The following VPS4A variants were observed in gnomAD, a reference collection of about 807,000 sequenced individuals.
The protein encoded by VPS4A is vacuolar protein sorting 4 homolog A, also known as vacuolar protein sorting-associated protein 4A.
A neutral mutation model predicts 52.3 loss-of-function variants in VPS4A; 20 were observed. That is an observed-to-expected ratio of 0.38 (90% CI 0.27 to 0.56). The LOEUF (loss-of-function observed/expected upper bound fraction) is 0.56. Ranked by LOEUF, VPS4A falls within the 20% of genes least tolerant of loss-of-function variation. The pLI is 0.72. For synonymous variants in VPS4A, 293 were observed against 227.7 expected (o/e 1.29, Z -2.58); for missense variants, 419 against 575.9 (o/e 0.73, Z 2.79).
chr16:69,311,366 C>T lies in VPS4A; in HGVS notation c.-146C>T, dbSNP rs962135758. ...TCCTCGCTTGCCCTCGGACTCGGCT[C>T]CCGCTGCGAGCGGCCGCCCTGCCCG... On this transcript the variant is annotated 5_prime_UTR_variant, in exon 1 of 11. Coordinates refer to ENST00000254950, the MANE Select transcript of VPS4A (RefSeq NM_013245.3). 6 of 904,006 alleles carry T rather than the reference C, an allele frequency of 6.6e-6. No individual in the cohort carries two copies. The highest frequency in any genetic ancestry group is 1.8e-5 in the African/African-American group (1 of 56,976). The allele number at this position is 904,006 out of a possible 1,614,324, so 56.0% of individuals were successfully genotyped here. A position where few individuals can be genotyped will look rare whatever the true frequency, so the allele number is the denominator to read the frequency against.
chr16:69,321,383 T>C lies in VPS4A; in HGVS notation c.1071+113T>C, dbSNP rs1597214370. The stretch of plus-strand genomic sequence containing the variant: ...CCGGCTGCTCAGGTGACACAGTCTC[T>C]GAGGCCTCCTGGAGAGCCGAGGGCC... On this transcript the variant is annotated intron_variant, in intron 9 of 10. Coordinates refer to ENST00000254950, the MANE Select transcript of VPS4A (RefSeq NM_013245.3). This position sits in a 1 kb window ranked among gnomAD's most constrained non-coding sequence, Gnocchi z 4.5. 1.7e-6 allele frequency: 2 copies of C among 1,202,938 alleles called. No homozygotes were observed. Among genetic ancestry groups the C allele is most frequent in the East Asian group, 2.6e-5 (1 of 39,134 alleles). 74.5% of individuals were successfully genotyped at this position (1,202,938 alleles called of 1,614,324 possible). A position where few individuals can be genotyped will look rare whatever the true frequency, so the allele number is the denominator to read the frequency against.
Position 69,320,167 on chromosome 16 carries a change from C to G in VPS4A, c.647C>G (p.Ala216Gly). The change falls in exon 7 of 11, where the codon GCC becomes GGC. Residue 216 changes from alanine (A) to glycine (G), a missense_variant. Around this residue, in one of 3 missense-constraint regions of VPS4A, gnomAD observed 103 missense variants for 210.3 expected, o/e 0.49. Transcript: ENST00000254950. The surrounding 1 kb of genome is among the most constrained non-coding windows in gnomAD (Gnocchi z 4.2). ...CTGGTCAAGAACCTGTTTGAGCTGG[C>G]CAGGCAGCACAAGCCCTCCATCATC... ...EKLVKNLFEL[A>G]RQHKPSIIFI... 6.2e-7 allele frequency: 1 copy of G among 1,613,792 alleles called. No homozygotes were observed. The highest frequency in any genetic ancestry group is 8.5e-7 in the Non-Finnish European group (1 of 1,179,774).
At chr16:69,316,470 G>T (rs1597211790) in intron 3 of VPS4A, 98 bp downstream of exon 3, 2 of 1,502,830 alleles carry the variant, frequency 1.3e-6, no homozygotes, top group Middle Eastern at 2.1e-4. Context: ...TGTGGGAATG[G>T]TCCTCATAGT....
In VPS4A at chr16:69,320,439, T is replaced by C; in HGVS notation, c.769+150T>C. ...CCTCAGGGCACGGGTGGACTTCAAT[T>C]CCCAAGAGGTGCCTGAGGCCTCTGC... On this transcript the variant is annotated intron_variant, in intron 7 of 10. Coordinates refer to ENST00000254950, the MANE Select transcript of VPS4A (RefSeq NM_013245.3). This position sits in a 1 kb window ranked among gnomAD's most constrained non-coding sequence, Gnocchi z 4.2. 1 of 1,173,654 alleles carries C rather than the reference T, an allele frequency of 8.5e-7. No homozygotes were observed. Among genetic ancestry groups the C allele is most frequent in the Non-Finnish European group, 1.2e-6 (1 of 846,848 alleles). The allele number at this position is 1,173,654 out of a possible 1,614,324, so 72.7% of individuals were successfully genotyped here. A position where few individuals can be genotyped will look rare whatever the true frequency, so the allele number is the denominator to read the frequency against.
At position 69,320,395 on chromosome 16, in the gene VPS4A, G is replaced by A. The variant is rs907611174; in HGVS notation, c.769+106G>A. The A allele has an allele frequency of 1.7e-5, 25 of 1,489,644 alleles. No homozygotes were observed. Among genetic ancestry groups the A allele is most frequent in the Non-Finnish European group, 2.2e-5 (24 of 1,100,052 alleles). 92.3% of individuals were successfully genotyped at this position (1,489,644 alleles called of 1,614,324 possible). Reference sequence around the variant, plus strand: ...TTTGGTTGTTCTCAGCCTCGGAGAGGCACTCCCCAGCTCCAGCCCCTCAGG... The same window carrying A: ...TTTGGTTGTTCTCAGCCTCGGAGAGACACTCCCCAGCTCCAGCCCCTCAGG... On this transcript the variant is annotated intron_variant, in intron 7 of 10. Coordinates refer to ENST00000254950, the MANE Select transcript of VPS4A (RefSeq NM_013245.3). The surrounding 1 kb of genome is among the most constrained non-coding windows in gnomAD (Gnocchi z 4.2).
intron 1 of VPS4A, among the ~76,000 whole-genome samples, chr16:69,314,897 G>A (rs944516556): frequency 4.6e-5 from 7 of 152,116 alleles, no homozygotes; most frequent in Non-Finnish European, 7.3e-5. Context: ...TCGTGCAGGC[G>A]TTGGTGAAGC....
intron 3 of VPS4A, among the ~76,000 whole-genome samples, chr16:69,317,953 C>CAAAAAA (rs35907075): frequency 6.5e-5 from 3 of 46,060 alleles, no homozygotes; most frequent in Non-Finnish European, 8.7e-5. Flanking sequence ...GGCACCATCT[C>CAAAAAA]AAAAAAAAAA....
chr16:69,323,943 C>CAAA (rs143292768), intron 10 of VPS4A, among the ~76,000 whole-genome samples: 11,069 of 107,912 alleles, frequency 0.1, 802 homozygotes, highest in Middle Eastern at 0.15. Flanking sequence ...GACTCCGTCT[C>CAAA]CAAAAAAAAA....
intron 3 of VPS4A, among the ~76,000 whole-genome samples, chr16:69,317,632 A>T (rs1965453984): frequency 6.6e-6 from 1 of 152,188 alleles, no homozygotes; most frequent in South Asian, 2.1e-4. Context: ...TCTCCACTAA[A>T]AATACAAAAT....
intron 1 of VPS4A, among the ~76,000 whole-genome samples, chr16:69,312,849 A>G (rs9927130): frequency 0.28 from 41,949 of 151,442 alleles, 6,383 homozygotes; most frequent in African/African-American, 0.39. Context: ...CCGACCTCAG[A>G]TGATCTGCCC....
Position 69,318,717 on chromosome 16 carries a change from T to C in VPS4A, c.343+6T>C. 6.2e-7 allele frequency: 1 copy of C among 1,613,542 alleles called. No homozygotes were observed. The highest frequency in any genetic ancestry group is 8.5e-7 in the Non-Finnish European group (1 of 1,179,754). ...ACTGCAAGAACAGCTGATGGGTAAG[T>C]GGCTCGCGGCCCTGTGGCAGCGGCA... On this transcript the variant is annotated splice_donor_region_variant and intron_variant, in intron 4 of 10. Coordinates refer to ENST00000254950, the MANE Select transcript of VPS4A (RefSeq NM_013245.3).
At position 69,320,493 on chromosome 16, in the gene VPS4A, C is replaced by T. The variant is rs1467941120; in HGVS notation, c.770-195C>T. Reference sequence around the variant, plus strand: ...ACGGGCCACTCCACCCCTCCCATGGCAGGCAGTGCCATAGGTCTCACCTGG... The same window carrying T: ...ACGGGCCACTCCACCCCTCCCATGGTAGGCAGTGCCATAGGTCTCACCTGG... On this transcript the variant is annotated intron_variant, in intron 7 of 10. Transcript: ENST00000254950. The surrounding 1 kb of genome is among the most constrained non-coding windows in gnomAD (Gnocchi z 4.2). 2.8e-5 allele frequency: 23 copies of T among 815,376 alleles called. No homozygotes were observed. The highest frequency in any genetic ancestry group is 3.6e-5 in the Non-Finnish European group (19 of 525,288). 50.5% of individuals were successfully genotyped at this position (815,376 alleles called of 1,614,324 possible). A position where few individuals can be genotyped will look rare whatever the true frequency, so the allele number is the denominator to read the frequency against.
At chr16:69,317,568 C>T (rs1181300647) in intron 3 of VPS4A, among the ~76,000 whole-genome samples, 1 of 152,004 alleles carries the variant, frequency 6.6e-6, no homozygotes, top group Non-Finnish European at 1.5e-5. Flanking sequence ...CCGAGGCGGG[C>T]GGATCACGAG....
At position 69,324,236 on chromosome 16, in the gene VPS4A, C is replaced by T. The variant is rs879221481; in HGVS notation, c.1241C>T (p.Thr414Ile). 6.2e-7 allele frequency: 1 copy of T among 1,613,722 alleles called. No homozygotes were observed. Among genetic ancestry groups the T allele is most frequent in the Non-Finnish European group, 8.5e-7 (1 of 1,179,872 alleles). ...MSDMLRSLAT[T>I]RPTVNADDLL... ...GACATGCTGCGGTCTCTGGCCACCA[C>T]CCGGCCCACGGTGAATGCAGACGAC... The change falls in exon 11 of 11, where the codon ACC (threonine) becomes ATC (isoleucine). Residue 414 changes from threonine (T) to isoleucine (I), a missense_variant. Thr to Ile is a moderately conservative substitution (Grantham distance 89). Around this residue, in one of 3 missense-constraint regions of VPS4A, gnomAD observed 185 missense variants for 200.2 expected, o/e 0.92. Coordinates refer to ENST00000254950, the MANE Select transcript of VPS4A (RefSeq NM_013245.3).
intron 3 of VPS4A, 49 bp from the exon 4 acceptor site, chr16:69,318,601 G>T (rs776684822): frequency 6.4e-7 from 1 of 1,570,934 alleles, no homozygotes; most frequent in Non-Finnish European, 8.6e-7. Context: ...GAGCACCTCT[G>T]TGCTCCAGGC....
chr16:69,318,790 G>A (rs778554882), intron 4 of VPS4A, 33 bp from the exon 5 acceptor site: 4 of 1,583,630 alleles, frequency 2.5e-6, no homozygotes, highest in South Asian at 2.7e-5. Flanking sequence ...CCCCTTGGCC[G>A]GGCCCGGGCC....
chr16:69,324,357 A>T lies in VPS4A; in HGVS notation c.*48A>T, dbSNP rs753299394. On this transcript the variant is annotated 3_prime_UTR_variant, in exon 11 of 11. Transcript: ENST00000254950. ...GTGAAGGTGGGAGGTTGATTGGGGCAAATCCAGGCACTCCCCATGTCAACA... is the reference window on the plus strand; with the variant it reads ...GTGAAGGTGGGAGGTTGATTGGGGCTAATCCAGGCACTCCCCATGTCAACA... The T allele has an allele frequency of 5.7e-6, 9 of 1,572,272 alleles. No individual in the cohort carries two copies. The highest frequency in any genetic ancestry group is 6.1e-6 in the Non-Finnish European group (7 of 1,149,052).
chr16:69,320,310 C>A lies in VPS4A; in HGVS notation c.769+21C>A. ...GCAGGGTGTGTGCCGGGCCCAGGGC[C>A]CCCTTGGTTCTTGTTGCACCTGAAG... On this transcript the variant is annotated intron_variant, in intron 7 of 10. Coordinates refer to ENST00000254950, the MANE Select transcript of VPS4A (RefSeq NM_013245.3). The surrounding 1 kb of genome is among the most constrained non-coding windows in gnomAD (Gnocchi z 4.2). 2.5e-6 allele frequency: 4 copies of A among 1,605,948 alleles called. No homozygotes were observed. Among genetic ancestry groups the A allele is most frequent in the Non-Finnish European group, 3.4e-6 (4 of 1,173,420 alleles).
chr16:69,316,133 G>A lies in VPS4A; in HGVS notation c.133+14G>A, dbSNP rs1439194286. The A allele has an allele frequency of 3.7e-6, 6 of 1,613,020 alleles. No individual in the cohort carries two copies. Among genetic ancestry groups the A allele is most frequent in the Non-Finnish European group, 5.1e-6 (6 of 1,179,752 alleles). The stretch of plus-strand genomic sequence containing the variant: ...ACGCTATCAAGTGTGAGTCACACGA[G>A]GGGTCCTCAGGCTGCCGCACTCCAG... On this transcript the variant is annotated intron_variant, in intron 2 of 10. Coordinates refer to ENST00000254950, the MANE Select transcript of VPS4A (RefSeq NM_013245.3).
Sources: allele counts gnomAD v4.1 joint callset (sites outside exome capture counted in the v4.1 genomes callset), GRCh38; gene constraint gnomAD v4.1.1; regional missense constraint gnomAD v4.1.1; non-coding constraint Gnocchi (gnomAD v3.1); transcripts MANE v1.5; gene names NCBI Gene and HGNC (gene_info 2026-07-23, HGNC 2026-07-21).